The following GRID1 variants were observed in gnomAD, a reference collection of about 807,000 sequenced individuals.
GRID1 encodes the protein glutamate receptor ionotropic, delta-1.
A neutral mutation model predicts 98.0 loss-of-function variants in GRID1; 28 were observed. The observed-to-expected ratio is 0.29, with a 90% CI of 0.21 to 0.39. GRID1 has a LOEUF of 0.39. Ranked by LOEUF, GRID1 falls within the 10% of genes least tolerant of loss-of-function variation. The probability of loss-of-function intolerance (pLI) is 1.00; values close to 1 mark genes in which losing one functional copy is unlikely to be tolerated. For missense variants in GRID1, 1,111 were observed against 1,340.5 expected (o/e 0.83, Z 2.67); for synonymous variants, 553 against 538.5 (o/e 1.03, Z -0.37).
At chr10:86,164,361 G>T (rs1845367591) in intron 3 of GRID1, among the ~76,000 whole-genome samples, 1 of 152,138 alleles carries the variant, frequency 6.6e-6, no homozygotes, top group African/African-American at 2.4e-5. Flanking sequence ...CAGCACCAGG[G>T]AGCAGAGAAC....
intron 5 of GRID1, among the ~76,000 whole-genome samples, chr10:85,875,066 G>T (rs1235655045): frequency 2.0e-5 from 3 of 152,036 alleles, no homozygotes; most frequent in Non-Finnish European, 4.4e-5. Flanking sequence ...TTTTAGTAGA[G>T]ACGGGGTTTC....
At chr10:86,232,490 T>G (rs1341730825) in intron 2 of GRID1, among the ~76,000 whole-genome samples, 1 of 152,158 alleles carries the variant, frequency 6.6e-6, no homozygotes, top group Non-Finnish European at 1.5e-5. Context: ...GCCTCTCCTG[T>G]TGTATTTCCC....
At chr10:86,093,886 G>A (rs11511554) in intron 4 of GRID1, among the ~76,000 whole-genome samples, 47,279 of 151,920 alleles carry the variant, frequency 0.31, 8,295 homozygotes, top group African/African-American at 0.48. Context: ...AGGAAAGGAC[G>A]TAACCAAAAA....
Position 85,934,413 on chromosome 10 carries a change from GACACACACACACACACACAC to G in GRID1, c.727-18194_727-18175del, listed in dbSNP as rs5786728. ...GAAGAACCCTAAGCTGCAGAGATTG[GACACACACACACACACACAC>G]ACACACACACACACACACACACAGA... On this transcript the variant is annotated intron_variant, in intron 4 of 15. Coordinates refer to ENST00000327946, the MANE Select transcript of GRID1 (RefSeq NM_017551.3). Among the ~76,000 whole-genome samples the G allele has an allele frequency of 4.1e-3, 583 of 141,504 alleles. 2 individuals carry two copies. Among genetic ancestry groups the G allele is most frequent in the Middle Eastern group, 0.018 (5 of 274 alleles). The allele number at this position is 141,504 out of a possible 152,430, so 92.8% of individuals were successfully genotyped here.
At chr10:86,177,683 A>G (rs1238945008) in intron 3 of GRID1, among the ~76,000 whole-genome samples, 1 of 151,236 alleles carries the variant, frequency 6.6e-6, no homozygotes, top group Admixed American at 6.6e-5. Flanking sequence ...TTTGGTGTGT[A>G]TGAGAGAAAG....
Position 85,885,987 on chromosome 10 carries a change from G to A in GRID1, c.781-16807C>T, listed in dbSNP as rs191891116. On this transcript the variant is annotated intron_variant, in intron 5 of 15. Coordinates refer to ENST00000327946, the MANE Select transcript of GRID1 (RefSeq NM_017551.3). ...TGAGACTCTTGCCCACTTCCTCCAT[G>A]CTAGGGCAACCCCAGGGGGCTCTCC... Among the ~76,000 whole-genome samples, 8 of 152,316 alleles carry A rather than the reference G, an allele frequency of 5.3e-5. No homozygotes were observed. In the East Asian group the frequency reaches 1.5e-3, roughly 29 times the overall value.
chr10:85,723,761 G>C (rs1396216626), intron 11 of GRID1, among the ~76,000 whole-genome samples: 1 of 152,188 alleles, frequency 6.6e-6, no homozygotes, highest in Non-Finnish European at 1.5e-5. Flanking sequence ...GTTAGGAGAA[G>C]AGAGCTTCTC....
chr10:86,100,020 G>A (rs949612037), intron 4 of GRID1, among the ~76,000 whole-genome samples: 3 of 152,174 alleles, frequency 2.0e-5, no homozygotes, highest in Admixed American at 2.0e-4. Flanking sequence ...CTGGTAACTA[G>A]CATGCAGGAA....
intron 8 of GRID1, among the ~76,000 whole-genome samples, chr10:85,738,916 T>A (rs1177385216): frequency 6.6e-6 from 1 of 152,144 alleles, no homozygotes; most frequent in African/African-American, 2.4e-5. Flanking sequence ...ATATTTTGAA[T>A]GGCCTGGTGC....
intron 2 of GRID1, among the ~76,000 whole-genome samples, chr10:86,339,594 T>C (rs1414917521): frequency 2.6e-5 from 4 of 152,320 alleles, no homozygotes; most frequent in African/African-American, 7.2e-5. Context: ...GGCATGGCCA[T>C]GTGAGCAGCC....
intron 4 of GRID1, among the ~76,000 whole-genome samples, chr10:86,123,779 C>G (rs901194120): frequency 6.6e-6 from 1 of 152,206 alleles, no homozygotes. Flanking sequence ...CAAGGCAGGC[C>G]CATGTGCACA....
chr10:86,003,666 C>T (rs961006124), intron 4 of GRID1, among the ~76,000 whole-genome samples: 2 of 152,186 alleles, frequency 1.3e-5, no homozygotes, highest in Non-Finnish European at 2.9e-5. Flanking sequence ...GAGCAGCTCT[C>T]TTTCCATAAG....
At chr10:85,723,172 G>A (rs751796427) in intron 11 of GRID1, 31 bp from the exon 12 acceptor site, 2 of 1,580,906 alleles carry the variant, frequency 1.3e-6, no homozygotes, top group South Asian at 1.2e-5. Context: ...GGATTGGCCA[G>A]TGGCTTCTGC....
chr10:86,004,740 TCACA>T (rs201671134), intron 4 of GRID1, among the ~76,000 whole-genome samples: 20 of 94,268 alleles, frequency 2.1e-4, no homozygotes, highest in East Asian at 6.3e-4. Context: ...ACACACACAC[TCACA>T]CACACACACA....
At chr10:85,609,208 A>T (rs1275657122) in intron 15 of GRID1, among the ~76,000 whole-genome samples, 2 of 152,166 alleles carry the variant, frequency 1.3e-5, no homozygotes, top group African/African-American at 4.8e-5. Flanking sequence ...GAGGGATTTC[A>T]TCAGGGATAA....
intron 2 of GRID1, among the ~76,000 whole-genome samples, chr10:86,347,898 G>C (rs1174240868): frequency 1.3e-5 from 2 of 152,156 alleles, no homozygotes; most frequent in Non-Finnish European, 2.9e-5. Flanking sequence ...ACACACGTGG[G>C]CCACAACTTC....
chr10:86,147,412 G>A (rs1195011412), intron 3 of GRID1, among the ~76,000 whole-genome samples: 1 of 152,184 alleles, frequency 6.6e-6, no homozygotes, highest in Non-Finnish European at 1.5e-5. Context: ...GAACAACGCT[G>A]GAGGCATCAC....
At chr10:85,684,440 ACTAT>A (rs1841246081) in intron 12 of GRID1, among the ~76,000 whole-genome samples, 1 of 152,230 alleles carries the variant, frequency 6.6e-6, no homozygotes, top group Non-Finnish European at 1.5e-5. Context: ...TAAAATTAGA[ACTAT>A]CTATGTAATT....
intron 4 of GRID1, among the ~76,000 whole-genome samples, chr10:86,104,125 C>CA (rs1464877829): frequency 6.6e-6 from 1 of 152,206 alleles, no homozygotes; most frequent in Non-Finnish European, 1.5e-5. Context: ...CCACTCCACT[C>CA]TCTGCCCACC....
Sources: gnomAD v4.1 joint callset for allele counts (sites outside exome capture counted in the v4.1 genomes callset) on GRCh38, gnomAD v4.1.1 for gene constraint, MANE v1.5 for transcripts, NCBI Gene and HGNC (gene_info 2026-07-23, HGNC 2026-07-21) for gene names.